CTNND2: variants seen among roughly 807,000 people sequenced by gnomAD.
CTNND2 encodes catenin delta-2.
CTNND2 carries 22 observed loss-of-function variants against 144.4 expected under a neutral mutation model. The ratio of observed to expected loss-of-function variants is 0.15; its 90% confidence interval spans 0.11 to 0.22. The LOEUF is 0.22. Among genes scored for constraint, CTNND2 ranks in the 10% least tolerant of loss-of-function variants. The pLI, the probability that CTNND2 is intolerant of heterozygous loss-of-function variation, is 1.00. For synonymous variants in CTNND2, 751 were observed against 695.6 expected, an observed-to-expected ratio of 1.08 and a Z score of -1.25; for missense variants, 1,353 against 1,618.8, an observed-to-expected ratio of 0.84 and a Z score of 2.82.
chr5:11,723,314 T>C (rs745610005), intron 2 of CTNND2, among the ~76,000 whole-genome samples: 6 of 152,136 alleles, frequency 3.9e-5, no homozygotes, highest in Non-Finnish European at 5.9e-5. Flanking sequence ...ATAAGCCTCA[T>C]ATTAAACTGA....
intron 15 of CTNND2, among the ~76,000 whole-genome samples, chr5:11,091,352 C>T (rs902727184): frequency 3.3e-5 from 5 of 152,174 alleles, no homozygotes; most frequent in Non-Finnish European, 7.3e-5. Context: ...GTCTTTTATA[C>T]ATTTTCCATG....
chr5:11,575,062 C>T (rs1412924263), intron 2 of CTNND2, among the ~76,000 whole-genome samples: 1 of 152,124 alleles, frequency 6.6e-6, no homozygotes, highest in Non-Finnish European at 1.5e-5. Flanking sequence ...TATATATATG[C>T]ACATTTCTGA....
At chr5:11,174,139 A>G (rs558174681) in intron 11 of CTNND2, among the ~76,000 whole-genome samples, 1 of 152,228 alleles carries the variant, frequency 6.6e-6, no homozygotes, top group African/African-American at 2.4e-5. Context: ...GAGGAGGGAG[A>G]GGCCTGGCAG....
intron 3 of CTNND2, among the ~76,000 whole-genome samples, chr5:11,546,532 G>T (rs1458462679): frequency 2.0e-5 from 3 of 152,096 alleles, no homozygotes; most frequent in Non-Finnish European, 4.4e-5. Flanking sequence ...TAGTAACTTT[G>T]CTTGGTATCA....
At chr5:10,992,101 A>G (rs761812918) in intron 19 of CTNND2, among the ~76,000 whole-genome samples, 11 of 152,056 alleles carry the variant, frequency 7.2e-5, no homozygotes, top group African/African-American at 1.2e-4. Context: ...TATTTTTACT[A>G]GAGACGGGGT....
intron 3 of CTNND2, among the ~76,000 whole-genome samples, chr5:11,549,565 C>T (rs946282388): frequency 2.6e-5 from 4 of 152,186 alleles, no homozygotes; most frequent in Non-Finnish European, 4.4e-5. Context: ...GCTTTAAACA[C>T]ATTCAAACAA....
rs181118699 is a variant in CTNND2, at chr5:11,668,527, T to C, written c.174+63609A>G. ...AGGTATTTCATTCTCTTTGCAGCAATTGTGAATGGGAGTTCACTCATGATT... is the reference window on the plus strand; with the variant it reads ...AGGTATTTCATTCTCTTTGCAGCAACTGTGAATGGGAGTTCACTCATGATT... On this transcript the variant is annotated intron_variant, in intron 2 of 21. Transcript: ENST00000304623. Among the ~76,000 whole-genome samples, 237 of 151,558 alleles carry C rather than the reference T, an allele frequency of 1.6e-3. 1 individual carries two copies. Among genetic ancestry groups the C allele is most frequent in the African/African-American group, 5.6e-3 (228 of 40,872 alleles).
intron 3 of CTNND2, among the ~76,000 whole-genome samples, chr5:11,433,105 G>A (rs1763440339): frequency 6.6e-6 from 1 of 152,156 alleles, no homozygotes; most frequent in Admixed American, 6.5e-5. Context: ...AATTAGCTGG[G>A]TGTGGTGGCA....
At chr5:11,272,814 T>G (rs950798148) in intron 9 of CTNND2, among the ~76,000 whole-genome samples, 7 of 152,182 alleles carry the variant, frequency 4.6e-5, no homozygotes, top group African/African-American at 1.7e-4. Context: ...AGAAAGACAT[T>G]AGAATTTTAT....
intron 6 of CTNND2, among the ~76,000 whole-genome samples, chr5:11,388,929 TC>T (rs1759360953): frequency 6.6e-6 from 1 of 152,274 alleles, no homozygotes; most frequent in South Asian, 2.1e-4. Flanking sequence ...AGTTTCATTT[TC>T]CTTTTTTAAA....
rs1770727815 is a variant in CTNND2 at position 11,503,495 on chromosome 5, A to G, written c.287+61449T>C. 2.0e-5 allele frequency among the ~76,000 whole-genome samples: 3 copies of G among 152,282 alleles called. No homozygotes were observed. In the South Asian group the frequency reaches 6.2e-4, roughly 32 times the overall value. On this transcript the variant is annotated intron_variant, in intron 3 of 21. Coordinates refer to ENST00000304623, the MANE Select transcript of CTNND2 (RefSeq NM_001332.4). ...TGCTTTCAGCTTTTATTTTGAATGA[A>G]TTTCGTGAGCTGCCAATTATGTGAT...
At chr5:11,172,939 G>A (rs1346063641) in intron 11 of CTNND2, among the ~76,000 whole-genome samples, 1 of 152,194 alleles carries the variant, frequency 6.6e-6, no homozygotes, top group Non-Finnish European at 1.5e-5. Context: ...GGAAGAGAGT[G>A]GGACATAGGT....
intron 19 of CTNND2, among the ~76,000 whole-genome samples, chr5:10,989,981 A>T (rs2149496666): frequency 6.6e-6 from 1 of 152,102 alleles, no homozygotes; most frequent in South Asian, 2.1e-4. Context: ...GGAATCCTTT[A>T]AAAAAAATAC....
chr5:11,283,412 A>C (rs772504425), intron 9 of CTNND2, among the ~76,000 whole-genome samples: 7 of 152,126 alleles, frequency 4.6e-5, no homozygotes, highest in Non-Finnish European at 1.0e-4. Flanking sequence ...GCAGTGGCTC[A>C]CACCTGTAAT....
intron 3 of CTNND2, among the ~76,000 whole-genome samples, chr5:11,444,957 AGT>A (rs1764672982): frequency 6.6e-6 from 1 of 152,096 alleles, no homozygotes; most frequent in South Asian, 2.1e-4. Flanking sequence ...GGCCCGAGTG[AGT>A]GTGAGGGGCT....
chr5:11,390,336 C>T (rs922291608), intron 6 of CTNND2, among the ~76,000 whole-genome samples: 5 of 152,150 alleles, frequency 3.3e-5, no homozygotes, highest in Admixed American at 1.3e-4. Context: ...GATTCTTTCA[C>T]GCTGAATCTT....
chr5:11,097,638 T>G (rs1391226577), intron 15 of CTNND2, among the ~76,000 whole-genome samples: 1 of 151,902 alleles, frequency 6.6e-6, no homozygotes, highest in East Asian at 1.9e-4. Context: ...AAGGGGAGGG[T>G]GTAGTTACAT....
At chr5:11,735,145 G>T (rs1313200752) in intron 1 of CTNND2, among the ~76,000 whole-genome samples, 2 of 152,214 alleles carry the variant, frequency 1.3e-5, no homozygotes, top group African/African-American at 4.8e-5. Context: ...CAGCTAAAAA[G>T]ATTAAAGTAT....
chr5:11,334,423 C>T (rs1234403389), intron 9 of CTNND2, among the ~76,000 whole-genome samples: 1 of 152,188 alleles, frequency 6.6e-6, no homozygotes, highest in African/African-American at 2.4e-5. Flanking sequence ...AGTGTTCCAA[C>T]CACCTGTCTG....
Sources: gnomAD v4.1 joint callset for allele counts (sites outside exome capture counted in the v4.1 genomes callset) on GRCh38, gnomAD v4.1.1 for gene constraint, MANE v1.5 for transcripts, NCBI Gene and HGNC (gene_info 2026-07-23, HGNC 2026-07-21) for gene names.